RCSD1: variants seen among roughly 807,000 people sequenced by gnomAD.
The protein encoded by RCSD1 is capZ-interacting protein.
In RCSD1, 26 loss-of-function variants were observed where a neutral mutation model predicts 42.5. That is an observed-to-expected ratio of 0.61 (90% confidence interval 0.45 to 0.85). The LOEUF (loss-of-function observed/expected upper bound fraction) is 0.85, where lower values mean the gene tolerates loss of function less well. Ranked by LOEUF, RCSD1 falls within the 40% of genes least tolerant of loss-of-function variation. RCSD1 has a pLI of 0.00. For synonymous variants in RCSD1, 220 were observed against 212.2 expected, an observed-to-expected ratio of 1.04 and a Z score of -0.32; for missense variants, 571 against 528.3, an observed-to-expected ratio of 1.08 and a Z score of -0.79.
chr1:167,670,590 C>T (rs1291824344), intron 1 of RCSD1, among the ~76,000 whole-genome samples: 1 of 152,224 alleles, frequency 6.6e-6, no homozygotes, highest in Non-Finnish European at 1.5e-5. Context: ...TCTGCCATCA[C>T]CTTGTAATTT....
At chr1:167,635,709 A>T (rs2102193439) in intron 1 of RCSD1, among the ~76,000 whole-genome samples, 1 of 152,238 alleles carries the variant, frequency 6.6e-6, no homozygotes, top group Admixed American at 6.5e-5. Flanking sequence ...GACCAACCCT[A>T]TTCAACTCAT....
At chr1:167,652,506 C>T (rs1441192205) in intron 1 of RCSD1, among the ~76,000 whole-genome samples, 1 of 152,226 alleles carries the variant, frequency 6.6e-6, no homozygotes, top group Non-Finnish European at 1.5e-5. Flanking sequence ...GGAAACAGGC[C>T]TGCTGCTCCC....
intron 1 of RCSD1, among the ~76,000 whole-genome samples, chr1:167,665,893 C>T (rs1658644520): frequency 6.6e-6 from 1 of 152,036 alleles, no homozygotes; most frequent in African/African-American, 2.4e-5. Flanking sequence ...CTCACTGCAA[C>T]CTCTGCCTCC....
At chr1:167,658,618 A>G (rs1241189051) in intron 1 of RCSD1, among the ~76,000 whole-genome samples, 1 of 151,266 alleles carries the variant, frequency 6.6e-6, no homozygotes, top group East Asian at 1.9e-4. Flanking sequence ...TTTTGGAGAG[A>G]CGGAGTTCCA....
At chr1:167,700,114 G>C (rs531401587) in intron 6 of RCSD1, among the ~76,000 whole-genome samples, 1 of 152,324 alleles carries the variant, frequency 6.6e-6, no homozygotes, top group Admixed American at 6.5e-5. Flanking sequence ...TCTTTGTTGA[G>C]TGAATGAATG....
At chr1:167,665,278 G>C (rs1216390031) in intron 1 of RCSD1, among the ~76,000 whole-genome samples, 1 of 152,172 alleles carries the variant, frequency 6.6e-6, no homozygotes, top group East Asian at 1.9e-4. Context: ...CATGCATGTT[G>C]CTGTGTGTAT....
intron 1 of RCSD1, among the ~76,000 whole-genome samples, chr1:167,680,458 T>A (rs1443011071): frequency 1.4e-5 from 2 of 146,654 alleles, no homozygotes; most frequent in East Asian, 2.0e-4. Context: ...CTGTTTTTGT[T>A]TTTGTTTTTG....
intron 1 of RCSD1, among the ~76,000 whole-genome samples, chr1:167,656,011 A>G (rs2102210426): frequency 6.6e-6 from 1 of 152,370 alleles, no homozygotes; most frequent in South Asian, 2.1e-4. Context: ...CTCTAAATGT[A>G]TCTGTTTACA....
chr1:167,688,668 G>C (rs1028947588), intron 3 of RCSD1, among the ~76,000 whole-genome samples: 1 of 152,242 alleles, frequency 6.6e-6, no homozygotes, highest in African/African-American at 2.4e-5. Flanking sequence ...GCTGTAAAAA[G>C]ATCACGAGGA....
chr1:167,652,018 C>CTTTTTTTTTTT (rs66622527), intron 1 of RCSD1, among the ~76,000 whole-genome samples: 1 of 108,104 alleles, frequency 9.3e-6, no homozygotes, highest in Non-Finnish European at 1.8e-5. Context: ...CTCTGTTCAT[C>CTTTTTTTTTTT]TTTTTTTTTT....
chr1:167,670,878 A>G (rs1440564314), intron 1 of RCSD1, among the ~76,000 whole-genome samples: 1 of 151,812 alleles, frequency 6.6e-6, no homozygotes, highest in Non-Finnish European at 1.5e-5. Flanking sequence ...CCTATCAACA[A>G]TCTCCCCTCC....
intron 1 of RCSD1, among the ~76,000 whole-genome samples, chr1:167,658,512 G>A (rs912953282): frequency 9.9e-5 from 15 of 152,018 alleles, no homozygotes; most frequent in African/African-American, 2.9e-4. Context: ...TGCAACCTCC[G>A]CCTCCTGGGT....
intron 1 of RCSD1, among the ~76,000 whole-genome samples, chr1:167,632,113 A>G (rs1657716737): frequency 6.6e-6 from 1 of 152,198 alleles, no homozygotes; most frequent in Non-Finnish European, 1.5e-5. Context: ...AACACAAAAC[A>G]ACAGGGTTCT....
intron 5 of RCSD1, 151 bp from the exon 6 acceptor site, chr1:167,696,948 G>A: frequency 1.5e-6 from 1 of 681,650 alleles, no homozygotes; most frequent in Non-Finnish European, 2.4e-6. Context: ...ATAATAAATA[G>A]CAAACAATGA....
At chr1:167,677,865 T>G (rs936576973) in intron 1 of RCSD1, among the ~76,000 whole-genome samples, 3 of 152,222 alleles carry the variant, frequency 2.0e-5, no homozygotes, top group African/African-American at 7.2e-5. Context: ...CAAGGAATTT[T>G]CTAGTGGGAA....
At chr1:167,639,149 G>A (rs377459727) in intron 1 of RCSD1, among the ~76,000 whole-genome samples, 6 of 152,094 alleles carry the variant, frequency 3.9e-5, no homozygotes, top group Admixed American at 2.0e-4. Flanking sequence ...CCCGGGAAGC[G>A]GAGGTTGCAG....
chr1:167,696,791 A>G (rs1659507160), intron 5 of RCSD1, among the ~76,000 whole-genome samples: 1 of 152,194 alleles, frequency 6.6e-6, no homozygotes, highest in South Asian at 2.1e-4. Flanking sequence ...TTACTAAATT[A>G]GACACCGAAC....
chr1:167,646,503 T>A (rs1411376437), intron 1 of RCSD1, among the ~76,000 whole-genome samples: 2 of 68,108 alleles, frequency 2.9e-5, no homozygotes, highest in African/African-American at 1.5e-4. Flanking sequence ...AGACTTAGAG[T>A]TTTTTTTCTT....
chr1:167,699,807 G>C (rs1659595829), intron 6 of RCSD1, among the ~76,000 whole-genome samples: 1 of 151,980 alleles, frequency 6.6e-6, no homozygotes. Flanking sequence ...CTCTATCCTT[G>C]CTGTCCCCTC....
Sources: allele counts gnomAD v4.1 joint callset (sites outside exome capture counted in the v4.1 genomes callset), GRCh38; gene constraint gnomAD v4.1.1; transcripts MANE v1.5; gene names NCBI Gene and HGNC (gene_info 2026-07-23, HGNC 2026-07-21).